Variants in FRMD4A observed in about 807,000 individuals in gnomAD.
FRMD4A encodes FERM domain containing 4A.
FRMD4A carries 29 observed loss-of-function variants against 129.1 expected under a neutral mutation model. That is an observed-to-expected ratio of 0.22 (90% CI 0.17 to 0.31). The LOEUF is 0.31. Ranked by LOEUF, FRMD4A falls within the 10% of genes least tolerant of loss-of-function variation. FRMD4A has a pLI of 1.00. For missense variants in FRMD4A, 1,272 were observed against 1,375.8 expected (o/e 0.92, Z 1.19); for synonymous variants, 634 against 571.6 (o/e 1.11, Z -1.56).
chr10:13,891,925 C>G (rs2094703109), intron 2 of FRMD4A, among the ~76,000 whole-genome samples: 1 of 148,476 alleles, frequency 6.7e-6, no homozygotes, highest in African/African-American at 2.4e-5. Context: ...GCGCCCCGAG[C>G]CAGTCCCCGG....
At chr10:13,810,960 C>A (rs2093433861) in intron 3 of FRMD4A, 52 bp from the exon 4 acceptor site, 4 of 864,850 alleles carry the variant, frequency 4.6e-6, no homozygotes, top group South Asian at 1.5e-5. Context: ...ACTGCTTTTC[C>A]TAAAATATGC....
intron 2 of FRMD4A, among the ~76,000 whole-genome samples, chr10:13,914,276 C>T (rs1489853626): frequency 1.3e-5 from 2 of 152,166 alleles, no homozygotes; most frequent in Non-Finnish European, 2.9e-5. Flanking sequence ...CATAGGCAGA[C>T]TTCTAATGGG....
intron 2 of FRMD4A, among the ~76,000 whole-genome samples, chr10:14,312,295 T>G (rs1452330624): frequency 6.6e-6 from 1 of 152,242 alleles, no homozygotes; most frequent in African/African-American, 2.4e-5. Flanking sequence ...GTAAGATTCT[T>G]AACACCCTTC....
intron 12 of FRMD4A, among the ~76,000 whole-genome samples, chr10:13,716,377 G>A (rs1041593653): frequency 6.6e-6 from 1 of 152,110 alleles, no homozygotes; most frequent in Admixed American, 6.5e-5. Flanking sequence ...AACATATCAG[G>A]CCCTCCCAAA....
intron 3 of FRMD4A, among the ~76,000 whole-genome samples, chr10:13,816,909 TG>T (rs1023277512): frequency 1.3e-5 from 2 of 152,240 alleles, no homozygotes; most frequent in Non-Finnish European, 1.5e-5. Flanking sequence ...TAGCCTCTTG[TG>T]GGCCATCAGC....
chr10:13,968,891 T>A (rs1258317549), intron 2 of FRMD4A, among the ~76,000 whole-genome samples: 1 of 152,240 alleles, frequency 6.6e-6, no homozygotes, highest in Non-Finnish European at 1.5e-5. Context: ...GTAGCTGCTC[T>A]CTGCACTTTT....
At position 13,893,005 on chromosome 10, in the gene FRMD4A, C is replaced by T. The variant is rs181334147; in HGVS notation, c.46-34093G>A. Reference sequence around the variant, plus strand: ...GTTAGCATTGGAGAAAAAAGTTGAACGCTGGTGTTAAGGACTACCTGTTTT... The same window carrying T: ...GTTAGCATTGGAGAAAAAAGTTGAATGCTGGTGTTAAGGACTACCTGTTTT... On this transcript the variant is annotated intron_variant, in intron 2 of 24. Coordinates refer to ENST00000357447, the MANE Select transcript of FRMD4A (RefSeq NM_018027.5). 3.2e-4 allele frequency among the ~76,000 whole-genome samples: 49 copies of T among 152,156 alleles called. No homozygotes were observed. In the East Asian group the frequency reaches 7.5e-3, roughly 23 times the overall value.
intron 2 of FRMD4A, among the ~76,000 whole-genome samples, chr10:13,953,922 T>G (rs1457081998): frequency 6.6e-6 from 1 of 152,214 alleles, no homozygotes; most frequent in Non-Finnish European, 1.5e-5. Context: ...ATTTTTACCT[T>G]TTTTAAAGTT....
intron 2 of FRMD4A, among the ~76,000 whole-genome samples, chr10:14,037,651 T>C (rs1449817609): frequency 1.8e-5 from 1 of 54,508 alleles, no homozygotes; most frequent in African/African-American, 3.7e-5. Context: ...TCAAAAGTCA[T>C]GTGTATTTAA....
At chr10:13,670,759 C>T (rs2083449616) in intron 16 of FRMD4A, among the ~76,000 whole-genome samples, 1 of 152,206 alleles carries the variant, frequency 6.6e-6, no homozygotes, top group Non-Finnish European at 1.5e-5. Flanking sequence ...AGTTGCACTT[C>T]CAAAGTTTTT....
chr10:13,936,868 T>TA (rs2095253207), intron 2 of FRMD4A, among the ~76,000 whole-genome samples: 1 of 152,230 alleles, frequency 6.6e-6, no homozygotes, highest in African/African-American at 2.4e-5. Flanking sequence ...CTCATTTTGT[T>TA]ACACTTTCAT....
intron 2 of FRMD4A, among the ~76,000 whole-genome samples, chr10:14,198,956 T>G (rs1842551184): frequency 6.6e-6 from 1 of 152,224 alleles, no homozygotes; most frequent in African/African-American, 2.4e-5. Context: ...GGGCTTGTCA[T>G]TCATCTTTAA....
intron 4 of FRMD4A, among the ~76,000 whole-genome samples, chr10:13,803,805 A>G (rs1445425502): frequency 6.6e-6 from 1 of 152,252 alleles, no homozygotes; most frequent in Non-Finnish European, 1.5e-5. Context: ...CAGCTTCACA[A>G]TATGCCCCAC....
intron 22 of FRMD4A, among the ~76,000 whole-genome samples, 199 bp downstream of exon 22, chr10:13,656,437 G>A (rs745869249): frequency 6.6e-6 from 1 of 152,174 alleles, no homozygotes. Flanking sequence ...CAAGATTAGG[G>A]TTAGAACGGG....
intron 2 of FRMD4A, among the ~76,000 whole-genome samples, chr10:14,070,817 C>T (rs1755382430): frequency 6.6e-6 from 1 of 152,178 alleles, no homozygotes. Flanking sequence ...TTCATACTGA[C>T]CCTGAATCAT....
chr10:13,873,104 A>G (rs1337073223), intron 2 of FRMD4A, among the ~76,000 whole-genome samples: 4 of 151,890 alleles, frequency 2.6e-5, no homozygotes. Context: ...TGAACCCAGG[A>G]GGTGGAAGTT....
intron 2 of FRMD4A, among the ~76,000 whole-genome samples, chr10:14,276,223 G>A (rs1327034452): frequency 6.6e-6 from 1 of 152,124 alleles, no homozygotes; most frequent in Admixed American, 6.6e-5. Flanking sequence ...CTGCCTCACT[G>A]TCATGCCTGC....
chr10:13,859,325 A>T (rs1182115566), intron 2 of FRMD4A, among the ~76,000 whole-genome samples: 2 of 152,136 alleles, frequency 1.3e-5, no homozygotes, highest in Admixed American at 1.3e-4. Context: ...TGGAGGTTGC[A>T]GTGAGCCGAG....
chr10:13,673,361 T>TCCACGGCC (rs914271511), intron 16 of FRMD4A, among the ~76,000 whole-genome samples: 1 of 152,232 alleles, frequency 6.6e-6, no homozygotes, highest in African/African-American at 2.4e-5. Context: ...GTGATCTCAC[T>TCCACGGCC]CCACGGCCCC....
Sources: allele counts gnomAD v4.1 joint callset (sites outside exome capture counted in the v4.1 genomes callset), GRCh38; gene constraint gnomAD v4.1.1; transcripts MANE v1.5; gene names NCBI Gene and HGNC (gene_info 2026-07-23, HGNC 2026-07-21).